KIF6: variants seen among roughly 807,000 people sequenced by gnomAD.
The protein encoded by KIF6 is kinesin family member 6, also known as kinesin-like protein KIF6.
Under a neutral mutation model 112.7 loss-of-function variants are expected in KIF6, and 106 were observed. The ratio of observed to expected loss-of-function variants is 0.94; its 90% CI spans 0.80 to 1.11. KIF6 has a LOEUF of 1.11. Among genes scored for constraint, KIF6 ranks in the 50% least tolerant of loss-of-function variants. KIF6 has a pLI of 0.00. For missense variants in KIF6, 929 were observed against 964.0 expected (o/e 0.96, Z 0.48); for synonymous variants, 339 against 339.9 (o/e 1.00, Z 0.03).
intron 14 of KIF6, among the ~76,000 whole-genome samples, chr6:39,427,354 C>T: frequency 6.6e-6 from 1 of 152,166 alleles, no homozygotes; most frequent in Non-Finnish European, 1.5e-5. Context: ...CCTTTGATGT[C>T]TGTTGTTGAA....
intron 3 of KIF6, among the ~76,000 whole-genome samples, chr6:39,646,616 A>G (rs1184462899): frequency 6.6e-6 from 1 of 152,242 alleles, no homozygotes; most frequent in Non-Finnish European, 1.5e-5. Flanking sequence ...TACATTTTAT[A>G]TGTATTTAAA....
chr6:39,535,631 A>G (rs1168264996), intron 13 of KIF6, among the ~76,000 whole-genome samples: 3 of 152,224 alleles, frequency 2.0e-5, no homozygotes, highest in Non-Finnish European at 4.4e-5. Flanking sequence ...TTAACACCCC[A>G]CTGTCAACAT....
Position 39,545,589 on chromosome 6 carries a change from A to G in KIF6, c.1281T>C (p.His427=), listed in dbSNP as rs960626518. 3.7e-6 allele frequency: 6 copies of G among 1,608,164 alleles called. No individual in the cohort carries two copies. The highest frequency in any genetic ancestry group is 4.5e-5 in the East Asian group (2 of 44,794). ...DMRKVHHCFH[H]LKKLLNDKKI... ...GGGAAACATTTAAGTTTACCTTTAA[A>G]TGATGAAAACAGTGATGAACTTTAC... is the stretch of plus-strand genomic sequence containing the variant. Residue 427 remains histidine (H), a synonymous_variant, in exon 11 of 23, where the codon CAT becomes CAC. Transcript: ENST00000287152.
intron 3 of KIF6, among the ~76,000 whole-genome samples, chr6:39,688,186 C>T (rs1318730528): frequency 1.3e-5 from 2 of 152,174 alleles, no homozygotes; most frequent in Admixed American, 1.3e-4. Flanking sequence ...AGTTCACTGT[C>T]CTCCCCTCTG....
chr6:39,486,737 A>G (rs1455167331), intron 13 of KIF6, among the ~76,000 whole-genome samples: 4 of 152,210 alleles, frequency 2.6e-5, no homozygotes, highest in Non-Finnish European at 5.9e-5. Flanking sequence ...CTAGTTCAAC[A>G]TCATTTCTAG....
intron 19 of KIF6, chr6:39,353,925 AT>A: frequency 1.8e-6 from 1 of 567,360 alleles, no homozygotes; most frequent in Non-Finnish European, 3.2e-6. Flanking sequence ...GCCCAGACCC[AT>A]GGGGGTGCCA....
At chr6:39,693,950 C>T (rs565434257) in intron 3 of KIF6, among the ~76,000 whole-genome samples, 112 of 152,174 alleles carry the variant, frequency 7.4e-4, no homozygotes, top group Non-Finnish European at 6.3e-4. Flanking sequence ...TCCAGCAGTA[C>T]ATCTAAAAGT....
In KIF6 at chr6:39,357,277, C is replaced by T; in HGVS notation, c.2180G>A (p.Ser727Asn). ...CACCTCCGGTGAGTTCTCACCTTAC[C>T]TTTTGTTAGAGAGGAGTTGGGACCA... ...HEWSQLLSNK[S>N]SGGWEVQDQG... is the part of the protein sequence containing the mutation. Residue 727 changes from serine to asparagine, a missense_variant and splice_region_variant, in exon 19 of 23, where the codon AGT becomes AAT. Coordinates refer to ENST00000287152, the MANE Select transcript of KIF6 (RefSeq NM_145027.6). 2 of 1,608,066 alleles carry T rather than the reference C, an allele frequency of 1.2e-6. No individual in the cohort carries two copies. Among genetic ancestry groups the T allele is most frequent in the South Asian group, 1.1e-5 (1 of 90,684 alleles).
chr6:39,404,616 T>G (rs1390368935), intron 15 of KIF6, among the ~76,000 whole-genome samples: 1 of 152,188 alleles, frequency 6.6e-6, no homozygotes, highest in Non-Finnish European at 1.5e-5. Flanking sequence ...TTCTCCAGCT[T>G]TATTCTTCTC....
At chr6:39,353,436 G>A (rs541086582) in intron 19 of KIF6, among the ~76,000 whole-genome samples, 1 of 152,146 alleles carries the variant, frequency 6.6e-6, no homozygotes, top group African/African-American at 2.4e-5. Context: ...TTTTCTTATT[G>A]TTGAATTTTT....
intron 14 of KIF6, among the ~76,000 whole-genome samples, chr6:39,428,578 T>C (rs1241495658): frequency 6.6e-6 from 1 of 152,248 alleles, no homozygotes; most frequent in East Asian, 1.9e-4. Context: ...GTTTATTCAT[T>C]CATTCCTTTT....
chr6:39,463,290 T>C (rs1413153605), intron 13 of KIF6, among the ~76,000 whole-genome samples: 1 of 152,204 alleles, frequency 6.6e-6, no homozygotes, highest in Non-Finnish European at 1.5e-5. Flanking sequence ...ACAGTTTAAA[T>C]ACTATGTAAG....
intron 3 of KIF6, among the ~76,000 whole-genome samples, chr6:39,668,626 G>C (rs1028223454): frequency 2.6e-5 from 4 of 152,132 alleles, no homozygotes; most frequent in African/African-American, 7.2e-5. Flanking sequence ...GAGTTTAATT[G>C]CTACACATGC....
chr6:39,544,510 C>T lies in KIF6; in HGVS notation c.1426+45G>A, dbSNP rs1160736012. On this transcript the variant is annotated intron_variant, in intron 12 of 22. Transcript: ENST00000287152. ...AGGAAAGACTGCTGTTTACCCCTTT[C>T]AAACCAGGATAGAGGAAGTTTCTTC... is the stretch of plus-strand genomic sequence containing the variant. 6 of 1,580,846 alleles carry T rather than the reference C, an allele frequency of 3.8e-6. No individual in the cohort carries two copies. The East Asian group carries it at 1.1e-4, about 30-fold the overall frequency.
chr6:39,523,376 G>A (rs1257816593), intron 13 of KIF6, among the ~76,000 whole-genome samples: 7 of 151,804 alleles, frequency 4.6e-5, no homozygotes, highest in Admixed American at 1.3e-4. Context: ...CTACTTTTCT[G>A]TTAAAAAGCC....
chr6:39,411,802 C>T (rs1341877569), intron 15 of KIF6, among the ~76,000 whole-genome samples: 1 of 152,166 alleles, frequency 6.6e-6, no homozygotes, highest in Non-Finnish European at 1.5e-5. Flanking sequence ...GTTTTGATTC[C>T]CTTTGTGCTT....
At chr6:39,412,654 A>C (rs924833157) in intron 15 of KIF6, among the ~76,000 whole-genome samples, 2 of 152,202 alleles carry the variant, frequency 1.3e-5, no homozygotes, top group Non-Finnish European at 2.9e-5. Flanking sequence ...AACTGATGTC[A>C]GTGTAATACA....
At chr6:39,656,701 A>G (rs759827744) in intron 3 of KIF6, among the ~76,000 whole-genome samples, 4 of 152,134 alleles carry the variant, frequency 2.6e-5, no homozygotes, top group Admixed American at 6.6e-5. Flanking sequence ...CACAAACCTC[A>G]GCCTCCATTC....
chr6:39,363,611 T>G (rs935288759), intron 16 of KIF6, among the ~76,000 whole-genome samples: 2 of 152,170 alleles, frequency 1.3e-5, no homozygotes, highest in African/African-American at 4.8e-5. Context: ...TTTTCTGAGC[T>G]CCACAGACAA....
Sources: gnomAD v4.1 joint callset for allele counts (sites outside exome capture counted in the v4.1 genomes callset) on GRCh38, gnomAD v4.1.1 for gene constraint, MANE v1.5 for transcripts, NCBI Gene and HGNC (gene_info 2026-07-23, HGNC 2026-07-21) for gene names.